ADAMTS20: variants seen among roughly 807,000 people sequenced by gnomAD.
ADAMTS20 encodes A disintegrin and metalloproteinase with thrombospondin motifs 20.
ADAMTS20 carries 225 observed loss-of-function variants against 260.1 expected under a neutral mutation model. The ratio of observed to expected loss-of-function variants is 0.87; its 90% CI spans 0.78 to 0.97. The LOEUF is 0.97. ADAMTS20 is among the 50% of genes least tolerant of loss of function. The pLI is 0.00. For synonymous variants in ADAMTS20, 802 were observed against 769.5 expected (o/e 1.04, Z -0.70); for missense variants, 2,400 against 2,337.7 (o/e 1.03, Z -0.55).
rs571719430 is a variant in ADAMTS20, at chr12:43,372,603, G to A, written c.5446+2776C>T. On this transcript the variant is annotated intron_variant, in intron 36 of 38. Transcript: ENST00000389420. ...AAGATGATTTGCTTGTGATTATGACGAAAGAAATAAAATGTTTCTCTATGA... is the reference window on the plus strand; with the variant it reads ...AAGATGATTTGCTTGTGATTATGACAAAAGAAATAAAATGTTTCTCTATGA... Among the ~76,000 whole-genome samples, 12 of 152,252 alleles carry A rather than the reference G, an allele frequency of 7.9e-5. No homozygotes were observed. In the South Asian group the frequency reaches 1.9e-3, roughly 24 times the overall value.
At chr12:43,399,358 T>A in intron 28 of ADAMTS20, 125 bp from the exon 29 acceptor site, 1 of 836,308 alleles carries the variant, frequency 1.2e-6, no homozygotes, top group Non-Finnish European at 1.7e-6. Context: ...AGATATGCTC[T>A]AGTATTTCTA....
At chr12:43,389,463 G>C (rs1940551562) in intron 29 of ADAMTS20, among the ~76,000 whole-genome samples, 1 of 152,190 alleles carries the variant, frequency 6.6e-6, no homozygotes, top group Admixed American at 6.5e-5. Context: ...TTGATGCAAT[G>C]TTCCACCTTC....
At chr12:43,442,393 G>A (rs1441819971) in intron 16 of ADAMTS20, among the ~76,000 whole-genome samples, 1 of 151,954 alleles carries the variant, frequency 6.6e-6, no homozygotes, top group East Asian at 1.9e-4. Flanking sequence ...GAGTAGCTGG[G>A]ATTACAGGCA....
intron 18 of ADAMTS20, among the ~76,000 whole-genome samples, chr12:43,436,793 A>G (rs1289935335): frequency 3.3e-5 from 5 of 152,192 alleles, no homozygotes; most frequent in Non-Finnish European, 7.3e-5. Context: ...TGCTGGCACC[A>G]TGCCAACTTC....
rs766523174 is a variant in ADAMTS20, at chr12:43,434,332, T to G, written c.2633A>C (p.Asp878Ala). 1 of 1,592,250 alleles carries G rather than the reference T, an allele frequency of 6.3e-7. No individual in the cohort carries two copies. The change falls in exon 19 of 39, where the codon GAT becomes GCT. Residue 878 changes from aspartate (D) to alanine (A), a missense_variant. Physicochemically the swap from Asp to Ala is moderately radical, Grantham distance 126 (BLOSUM62 -2). Transcript: ENST00000389420. ...TTCTTTATCAGACACAACACTATGA[T>G]CACTCTTATGTATGCAAGTTATGTT... ...RRNITCIHKS[D>A]HSVVSDKECD...
At chr12:43,507,533 A>G (rs1438108451) in intron 3 of ADAMTS20, among the ~76,000 whole-genome samples, 1 of 152,214 alleles carries the variant, frequency 6.6e-6, no homozygotes, top group Non-Finnish European at 1.5e-5. Context: ...TTAATATCGC[A>G]CTGCCTGCAG....
chr12:43,545,353 A>T (rs745687185), intron 2 of ADAMTS20, among the ~76,000 whole-genome samples: 4 of 151,922 alleles, frequency 2.6e-5, no homozygotes, highest in Non-Finnish European at 5.9e-5. Context: ...TTGGTCTTAA[A>T]CTCTCACTAC....
intron 14 of ADAMTS20, among the ~76,000 whole-genome samples, chr12:43,449,600 T>C (rs1277300790): frequency 1.3e-5 from 2 of 152,026 alleles, no homozygotes; most frequent in African/African-American, 4.8e-5. Flanking sequence ...AGTTTACCTG[T>C]ATAAAAAACT....
At chr12:43,377,258 T>C (rs1940249676) in intron 32 of ADAMTS20, 107 bp downstream of exon 32, 4 of 934,310 alleles carry the variant, frequency 4.3e-6, no homozygotes, top group Non-Finnish European at 6.2e-6. Flanking sequence ...AAAATAGTGG[T>C]CTGAGGCAAC....
rs769436440 is a variant in ADAMTS20, at chr12:43,454,010, G to A, written c.1657C>T (p.Arg553Cys). Residue 553 changes from arginine to cysteine, a missense_variant, in exon 12 of 39, where the codon CGT (arginine) becomes TGT (cysteine). Arg to Cys is a radical substitution (Grantham distance 180). Transcript: ENST00000389420. Reference protein sequence around the residue: ...GLCVNKETETRPVNGEWGPWE... With the variant: ...GLCVNKETETCPVNGEWGPWE... ...GGTCCCCATTCACCATTTACAGGAC[G>A]TGTTTCCGTTTCTTTGTTTACACAT... The A allele has an allele frequency of 2.1e-5, 34 of 1,613,706 alleles. No homozygotes were observed. In the Middle Eastern group the frequency reaches 5.0e-4, roughly 24 times the overall value.
chr12:43,385,367 G>C (rs1940449645), intron 29 of ADAMTS20, among the ~76,000 whole-genome samples: 1 of 152,162 alleles, frequency 6.6e-6, no homozygotes, highest in Admixed American at 6.5e-5. Flanking sequence ...CACATGGATA[G>C]ATTGCAAAAA....
At chr12:43,482,674 C>A (rs922054012) in intron 7 of ADAMTS20, among the ~76,000 whole-genome samples, 2 of 152,176 alleles carry the variant, frequency 1.3e-5, no homozygotes, top group Non-Finnish European at 2.9e-5. Flanking sequence ...CCCAACCTAG[C>A]TTTACCCCTC....
chr12:43,433,829 A>G (rs919023737), intron 19 of ADAMTS20: 2 of 472,248 alleles, frequency 4.2e-6, no homozygotes, highest in African/African-American at 2.0e-5. Context: ...TGGACAAAAT[A>G]CTGATAGAAT....
chr12:43,448,065 C>T (rs532718206), intron 14 of ADAMTS20, among the ~76,000 whole-genome samples: 9 of 152,214 alleles, frequency 5.9e-5, no homozygotes, highest in African/African-American at 1.9e-4. Context: ...CCATATTTCC[C>T]AAAGCAATGT....
rs1352331808 is a variant in ADAMTS20 at position 43,399,193 on chromosome 12, A to C, written c.4325T>G (p.Val1442Gly). 13 of 1,577,314 alleles carry C rather than the reference A, an allele frequency of 8.2e-6. No individual in the cohort carries two copies. Among genetic ancestry groups the C allele is most frequent in the Non-Finnish European group, 1.0e-5 (12 of 1,161,554 alleles). Residue 1442 changes from valine (V) to glycine (G), a missense_variant, in exon 29 of 39, where the codon GTG becomes GGG. Val to Gly is a moderately radical substitution (Grantham distance 109). Transcript: ENST00000389420. ...CCTTTGGAATTGGTCAATGCAAAACACTTCACGGTACTTTCTACCTTTACC... is the reference window on the plus strand; with the variant it reads ...CCTTTGGAATTGGTCAATGCAAAACCCTTCACGGTACTTTCTACCTTTACC... ...SCGKGRKYRE[V>G]FCIDQFQRKL...
chr12:43,460,815 G>T (rs1054253039), intron 11 of ADAMTS20, among the ~76,000 whole-genome samples: 2 of 150,860 alleles, frequency 1.3e-5, no homozygotes, highest in Admixed American at 6.6e-5. Flanking sequence ...AACAAAAGAC[G>T]CCTGTCCCAT....
intron 3 of ADAMTS20, among the ~76,000 whole-genome samples, chr12:43,510,767 T>C (rs1942913185): frequency 6.6e-6 from 1 of 152,108 alleles, no homozygotes; most frequent in Non-Finnish European, 1.5e-5. Flanking sequence ...AAACATTGAA[T>C]ATCTCTTATA....
chr12:43,486,710 A>G (rs188199785), intron 7 of ADAMTS20, among the ~76,000 whole-genome samples: 203 of 152,090 alleles, frequency 1.3e-3, no homozygotes, highest in African/African-American at 4.6e-3. Context: ...AATCTACAAG[A>G]TACTCAAACA....
At chr12:43,478,353 C>T (rs1942390844) in intron 7 of ADAMTS20, among the ~76,000 whole-genome samples, 1 of 151,692 alleles carries the variant, frequency 6.6e-6, no homozygotes, top group Non-Finnish European at 1.5e-5. Flanking sequence ...ATTAGAGCTG[C>T]TTGAATGAAG....
Sources: allele counts gnomAD v4.1 joint callset (sites outside exome capture counted in the v4.1 genomes callset), GRCh38; gene constraint gnomAD v4.1.1; transcripts MANE v1.5; gene names NCBI Gene and HGNC (gene_info 2026-07-23, HGNC 2026-07-21).